Variants in METTL15 observed in about 807,000 individuals in gnomAD.
METTL15 encodes methyltransferase 15, mitochondrial 12S rRNA N4-cytidine.
Under a neutral mutation model 38.3 loss-of-function variants are expected in METTL15, and 34 were observed. The observed-to-expected ratio is 0.89, with a 90% CI of 0.68 to 1.18. METTL15 has a LOEUF of 1.18. Ranked by LOEUF, METTL15 falls within the 50% of genes most tolerant of loss-of-function variation. The pLI is 0.00. For missense variants in METTL15, 438 were observed against 498.4 expected, an observed-to-expected ratio of 0.88 and a Z score of 1.15; for synonymous variants, 162 against 170.9, an observed-to-expected ratio of 0.95 and a Z score of 0.41.
Position 28,166,732 on chromosome 11 carries a change from C to T in METTL15, c.271-44330C>T, listed in dbSNP as rs547110370. On this transcript the variant is annotated intron_variant, in intron 3 of 6. Coordinates refer to ENST00000407364, the MANE Select transcript of METTL15 (RefSeq NM_001113528.2). ...TGGGAGGCCAAGGTGGGCAGATCAC[C>T]TGAGGTCAGGAGTTCAAGACCAGCC... 1.9e-3 allele frequency among the ~76,000 whole-genome samples: 295 copies of T among 152,178 alleles called. 2 individuals are homozygous for T. Among genetic ancestry groups the T allele is most frequent in the African/African-American group, 6.4e-3 (266 of 41,542 alleles).
Position 28,208,087 on chromosome 11 carries a change from G to T in METTL15, c.271-2975G>T, listed in dbSNP as rs375329458. The stretch of plus-strand genomic sequence containing the variant: ...TCCTGGATTCATTAATTTTTTGAAG[G>T]GTTTTTTATGTCTCTATTTCCTTCA... On this transcript the variant is annotated intron_variant, in intron 3 of 6. Transcript: ENST00000407364. Among the ~76,000 whole-genome samples the T allele has an allele frequency of 3.7e-4, 57 of 152,128 alleles. No homozygotes were observed. In the East Asian group the frequency reaches 0.01, roughly 28 times the overall value.
At chr11:28,160,715 AT>A (rs1463898995) in intron 3 of METTL15, among the ~76,000 whole-genome samples, 2 of 152,162 alleles carry the variant, frequency 1.3e-5, no homozygotes. Flanking sequence ...TATTATAGTT[AT>A]TTGAAAATCT....
At chr11:28,183,752 T>G (rs1851385803) in intron 3 of METTL15, among the ~76,000 whole-genome samples, 1 of 152,106 alleles carries the variant, frequency 6.6e-6, no homozygotes, top group African/African-American at 2.4e-5. Context: ...GGTTTTGGTA[T>G]CAGGATGATG....
rs186624203 is a variant in METTL15, at chr11:28,158,673, A to G, written c.270+45069A>G. ...CATCCATGGACTTACAGAATGCCAT[A>G]TCCAACGTCATGGTATTCCACACGG... On this transcript the variant is annotated intron_variant, in intron 3 of 6. Transcript: ENST00000407364. Among the ~76,000 whole-genome samples, 20 of 152,332 alleles carry G rather than the reference A, an allele frequency of 1.3e-4. No individual in the cohort carries two copies. In the East Asian group the frequency reaches 3.7e-3, roughly 28 times the overall value.
At chr11:28,253,412 A>G (rs1854828429) in intron 4 of METTL15, among the ~76,000 whole-genome samples, 1 of 152,174 alleles carries the variant, frequency 6.6e-6, no homozygotes, top group African/African-American at 2.4e-5. Flanking sequence ...ATCGTGGAGA[A>G]TGGGGTATGC....
intron 5 of METTL15, among the ~76,000 whole-genome samples, chr11:28,400,081 C>T (rs7931374): frequency 0.065 from 9,878 of 151,962 alleles, 452 homozygotes; most frequent in African/African-American, 0.13. Flanking sequence ...CACATTCTTC[C>T]ACCGTACTTA....
intron 3 of METTL15, among the ~76,000 whole-genome samples, chr11:28,344,728 G>A (rs1040551645): frequency 6.6e-6 from 1 of 152,142 alleles, no homozygotes; most frequent in Non-Finnish European, 1.5e-5. Context: ...CAGAAATTTT[G>A]TGTTGGGCAC....
chr11:28,504,189 C>T (rs1246166177), intron 6 of METTL15, among the ~76,000 whole-genome samples: 9 of 111,844 alleles, frequency 8.0e-5, no homozygotes, highest in African/African-American at 3.0e-4. Context: ...AAGAGTGAAA[C>T]TCTGTCTCAA....
At chr11:28,373,718 T>G (rs1850272625) in intron 5 of METTL15, among the ~76,000 whole-genome samples, 1 of 152,196 alleles carries the variant, frequency 6.6e-6, no homozygotes, top group Non-Finnish European at 1.5e-5. Flanking sequence ...GCTTTTGGTG[T>G]TTTAGACATG....
At chr11:28,449,733 C>T (rs1475987577) in intron 6 of METTL15, among the ~76,000 whole-genome samples, 1 of 152,144 alleles carries the variant, frequency 6.6e-6, no homozygotes, top group East Asian at 1.9e-4. Flanking sequence ...GGTTTTGCTT[C>T]TTCATCTGGG....
At chr11:28,263,206 A>C (rs1407305689) in intron 4 of METTL15, among the ~76,000 whole-genome samples, 1 of 152,058 alleles carries the variant, frequency 6.6e-6, no homozygotes, top group Non-Finnish European at 1.5e-5. Context: ...TATTAGTAAG[A>C]AATGGAGAAA....
intron 3 of METTL15, among the ~76,000 whole-genome samples, chr11:28,124,843 T>C (rs1852405659): frequency 6.6e-6 from 1 of 152,142 alleles, no homozygotes; most frequent in Admixed American, 6.6e-5. Context: ...AAATGACCTA[T>C]ATAATGGTTA....
intron 6 of METTL15, among the ~76,000 whole-genome samples, chr11:28,469,708 A>G (rs2582899): frequency 1 from 151,644 of 152,240 alleles, 75,527 homozygotes; most frequent in Middle Eastern, 1. Flanking sequence ...CATAATAAAC[A>G]CTATGTTTGC....
chr11:28,272,231 G>A (rs1565215383), intron 4 of METTL15, among the ~76,000 whole-genome samples: 1 of 152,138 alleles, frequency 6.6e-6, no homozygotes, highest in East Asian at 1.9e-4. Context: ...TATACCCAAA[G>A]GATTATAAAT....
chr11:28,193,179 G>A (rs1488363429), intron 3 of METTL15, among the ~76,000 whole-genome samples: 3 of 151,934 alleles, frequency 2.0e-5, no homozygotes, highest in Non-Finnish European at 4.4e-5. Context: ...TTCTTTAAAG[G>A]ATATATTTAT....
chr11:28,271,949 AC>A (rs1855657599), intron 4 of METTL15, among the ~76,000 whole-genome samples: 1 of 152,248 alleles, frequency 6.6e-6, no homozygotes, highest in African/African-American at 2.4e-5. Flanking sequence ...TACGTGGTCA[AC>A]AAACATGAAA....
At chr11:28,488,785 T>C (rs762204723) in intron 6 of METTL15, among the ~76,000 whole-genome samples, 1 of 152,156 alleles carries the variant, frequency 6.6e-6, no homozygotes, top group African/African-American at 2.4e-5. Context: ...CACGATACTT[T>C]TTTTTGTGAA....
intron 3 of METTL15, among the ~76,000 whole-genome samples, chr11:28,193,480 A>G (rs749679465): frequency 6.6e-6 from 1 of 152,014 alleles, no homozygotes; most frequent in Non-Finnish European, 1.5e-5. Context: ...CACTAGGGGG[A>G]TGGTACTAAA....
At chr11:28,272,925 C>T (rs1855702616) in intron 4 of METTL15, among the ~76,000 whole-genome samples, 1 of 152,144 alleles carries the variant, frequency 6.6e-6, no homozygotes, top group Admixed American at 6.5e-5. Flanking sequence ...TTTACTCCAT[C>T]ATTATCAAAT....
Sources: allele counts gnomAD v4.1 joint callset (sites outside exome capture counted in the v4.1 genomes callset), GRCh38; gene constraint gnomAD v4.1.1; transcripts MANE v1.5; gene names NCBI Gene and HGNC (gene_info 2026-07-23, HGNC 2026-07-21).